The following NCOR2 variants were observed in gnomAD, a reference collection of about 807,000 sequenced individuals.
NCOR2 encodes the protein CTG repeat protein 26.
In NCOR2, 81 loss-of-function variants were observed where a neutral mutation model predicts 262.9. The observed-to-expected ratio is 0.31, with a 90% confidence interval of 0.26 to 0.37. NCOR2 has a LOEUF of 0.37. NCOR2 is among the 10% of genes least tolerant of loss of function. The pLI, the probability that NCOR2 is intolerant of heterozygous loss-of-function variation, is 1.00. For synonymous variants in NCOR2, 1,659 were observed against 1,559.3 expected (o/e 1.06, Z -1.51); for missense variants, 3,385 against 3,621.4 (o/e 0.93, Z 1.68).
chr12:124,358,924 G>A (rs950562518), intron 22 of NCOR2, among the ~76,000 whole-genome samples: 1 of 152,246 alleles, frequency 6.6e-6, no homozygotes, highest in Non-Finnish European at 1.5e-5. Context: ...GAGAGGTTAA[G>A]CCACCTGGTC....
Position 124,495,223 on chromosome 12 carries a change from T to C in NCOR2, c.29A>G (p.Gln10Arg). 3 of 1,613,704 alleles carry C rather than the reference T, an allele frequency of 1.9e-6. No individual in the cohort carries two copies. Among genetic ancestry groups the C allele is most frequent in the Non-Finnish European group, 2.5e-6 (3 of 1,179,870 alleles). The change falls in exon 1 of 47, where the codon CAG becomes CGG. Residue 10 changes from glutamine (Q) to arginine (R), a missense_variant. Physicochemically the swap from Gln to Arg is conservative, Grantham distance 43 (BLOSUM62 1). Around this residue, in one of 5 missense-constraint regions of NCOR2, gnomAD observed 237 missense variants for 229.4 expected, o/e 1.03. Transcript: ENST00000405201. This position sits in a 1 kb window ranked among gnomAD's most constrained non-coding sequence, Gnocchi z 4.4. ...GCGGGGCTCAGTGGCCCTCCACGTCTGTGCCACAGGCTGTGTGGATCCCGA... is the reference window on the plus strand; with the variant it reads ...GCGGGGCTCAGTGGCCCTCCACGTCCGTGCCACAGGCTGTGTGGATCCCGA...
At chr12:124,448,071 C>T (rs1446987658) in intron 7 of NCOR2, among the ~76,000 whole-genome samples, 3 of 152,230 alleles carry the variant, frequency 2.0e-5, no homozygotes, top group African/African-American at 7.2e-5. Context: ...GGGATGAGGC[C>T]TTTGTTTTAT....
chr12:124,429,666 C>A (rs550727654), exon 10 of NCOR2: 4 of 1,609,314 alleles, frequency 2.5e-6, no homozygotes, highest in East Asian at 2.2e-5. Context: ...TCGCTGCGGG[C>A]GGCCGACATG....
At chr12:124,329,769 ATAAG>A (rs1387684133) in intron 44 of NCOR2, among the ~76,000 whole-genome samples, 1 of 152,226 alleles carries the variant, frequency 6.6e-6, no homozygotes, top group Non-Finnish European at 1.5e-5. Context: ...ATATTTATAT[ATAAG>A]TGTTAGCATA....
At chr12:124,426,467 G>A (rs908524163) in intron 11 of NCOR2, among the ~76,000 whole-genome samples, 155 bp downstream of exon 13, 1 of 152,206 alleles carries the variant, frequency 6.6e-6, no homozygotes, top group African/African-American at 2.4e-5. Context: ...ACCAGGATTT[G>A]GACTTCCGGC....
chr12:124,407,820 C>G (rs571796126), intron 13 of NCOR2, among the ~76,000 whole-genome samples: 6 of 152,334 alleles, frequency 3.9e-5, no homozygotes, highest in East Asian at 1.9e-4. Context: ...CCTGAGAGGG[C>G]GCATCCTCAT....
At chr12:124,384,497 G>A (rs1030611386) in intron 17 of NCOR2, among the ~76,000 whole-genome samples, 6 of 152,154 alleles carry the variant, frequency 3.9e-5, no homozygotes, top group Non-Finnish European at 7.4e-5. Context: ...TCTCAGCCCT[G>A]ACCACAGGGC....
At chr12:124,413,466 C>T (rs2042699203) in intron 13 of NCOR2, among the ~76,000 whole-genome samples, 1 of 152,190 alleles carries the variant, frequency 6.6e-6, no homozygotes, top group African/African-American at 2.4e-5. Flanking sequence ...CGATGGGCAC[C>T]TCCTGGGGGG....
intron 3 of NCOR2, among the ~76,000 whole-genome samples, chr12:124,477,186 G>A (rs2047146334): frequency 6.6e-6 from 1 of 152,202 alleles, no homozygotes; most frequent in East Asian, 1.9e-4. Context: ...TGTCATGGGA[G>A]GGGCCAAGTG....
intron 1 of NCOR2, among the ~76,000 whole-genome samples, chr12:124,541,592 G>A (rs1171330968): frequency 5.4e-5 from 1 of 18,674 alleles, no homozygotes. Context: ...GATGGGAAGT[G>A]GAGATGGAGC....
chr12:124,515,084 G>A (rs2049641039), intron 1 of NCOR2, among the ~76,000 whole-genome samples: 1 of 152,178 alleles, frequency 6.6e-6, no homozygotes, highest in African/African-American at 2.4e-5. Context: ...GTGTCCCCCA[G>A]CCTGGGATGC....
chr12:124,560,678 C>T (rs1335129428), intron 1 of NCOR2, among the ~76,000 whole-genome samples: 1 of 152,214 alleles, frequency 6.6e-6, no homozygotes, highest in African/African-American at 2.4e-5. Context: ...TTAAGGCCGA[C>T]ATATGCCAAG....
rs369370497 is a variant in NCOR2, at chr12:124,466,160, C to T, written c.705+13G>A. On this transcript the variant is annotated intron_variant, in intron 5 of 46. Transcript: ENST00000405201. ...AGCACCGGGGGGCAGCAGGCCAGGG[C>T]GGGGACACATACCCGGTTCTCGTCG... The T allele has an allele frequency of 1.6e-4, 250 of 1,602,436 alleles. 2 individuals are homozygous for T. The East Asian group carries it at 3.3e-3, about 21-fold the overall frequency.
In NCOR2 at chr12:124,333,843, T is replaced by A. The variant is rs563946776; in HGVS notation, c.6606-564A>T. On this transcript the variant is annotated intron_variant, in intron 41 of 46. Transcript: ENST00000405201. ...CTACAGGGGTGTGCGGGTGCGCCTG[T>A]GTGCGGGTGTGCATGTGTGTGTGCG... 8.9e-5 allele frequency among the ~76,000 whole-genome samples: 12 copies of A among 135,580 alleles called. No homozygotes were observed. The South Asian group carries it at 3.1e-3, about 35-fold the overall frequency. 88.9% of individuals were successfully genotyped at this position (135,580 alleles called of 152,430 possible). A position where few individuals can be genotyped will look rare whatever the true frequency, so the allele number is the denominator to read the frequency against.
chr12:124,472,804 G>GCTC (rs2046897974), intron 4 of NCOR2, 148 bp downstream of exon 6: 2 of 983,694 alleles, frequency 2.0e-6, no homozygotes, highest in Non-Finnish European at 3.1e-6. Context: ...CTGTGGATGT[G>GCTC]CTCCTGTCCA....
chr12:124,383,129 C>T (rs749369797), intron 17 of NCOR2, among the ~76,000 whole-genome samples: 10 of 152,196 alleles, frequency 6.6e-5, no homozygotes, highest in Non-Finnish European at 1.0e-4. Flanking sequence ...CATACTAGGC[C>T]GCATTCCCAG....
exon 47 of NCOR2, chr12:124,325,184 T>G: frequency 8.1e-6 from 2 of 247,894 alleles, no homozygotes; most frequent in Non-Finnish European, 7.7e-6. Flanking sequence ...AAACATCCCC[T>G]GAGTAAGGTC....
chr12:124,510,416 C>T (rs1285078309), intron 1 of NCOR2, among the ~76,000 whole-genome samples: 1 of 152,258 alleles, frequency 6.6e-6, no homozygotes, highest in Non-Finnish European at 1.5e-5. Context: ...CTGGCACAGC[C>T]AGTCCCCAAC....
chr12:124,508,560 G>A (rs578247777), intron 1 of NCOR2, among the ~76,000 whole-genome samples: 1 of 152,274 alleles, frequency 6.6e-6, no homozygotes, highest in African/African-American at 2.4e-5. Flanking sequence ...CAGGAAGGGG[G>A]TGACCGCAGC....
Sources: gnomAD v4.1 joint callset for allele counts (sites outside exome capture counted in the v4.1 genomes callset) on GRCh38, gnomAD v4.1.1 for gene constraint, gnomAD v4.1.1 regional missense constraint, Gnocchi (gnomAD v3.1) non-coding constraint, MANE v1.5 for transcripts, NCBI Gene and HGNC (gene_info 2026-07-23, HGNC 2026-07-21) for gene names.